The following ZNF407 variants were observed in gnomAD, a reference collection of about 807,000 sequenced individuals.
ZNF407 encodes the protein zinc finger protein 407.
Under a neutral mutation model 131.2 loss-of-function variants are expected in ZNF407, and 17 were observed. The ratio of observed to expected loss-of-function variants is 0.13; its 90% confidence interval spans 0.09 to 0.19. The LOEUF is 0.19. Among genes scored for constraint, ZNF407 ranks in the 10% least tolerant of loss-of-function variants. The pLI is 1.00. For missense variants in ZNF407, 2,681 were observed against 2,830.6 expected (o/e 0.95, Z 1.20); for synonymous variants, 1,156 against 1,062.0 (o/e 1.09, Z -1.72).
chr18:74,730,927 T>G (rs990502001), intron 3 of ZNF407, among the ~76,000 whole-genome samples: 2 of 152,182 alleles, frequency 1.3e-5, no homozygotes, highest in South Asian at 2.1e-4. Flanking sequence ...TTGAACAATA[T>G]TTTAGGTTTG....
intron 8 of ZNF407, among the ~76,000 whole-genome samples, chr18:75,026,410 C>G (rs978796592): frequency 1.3e-5 from 2 of 152,146 alleles, no homozygotes; most frequent in African/African-American, 4.8e-5. Flanking sequence ...CACATCTTAT[C>G]CCCTGAAGAA....
At chr18:74,695,594 G>T (rs1967335711) in intron 3 of ZNF407, among the ~76,000 whole-genome samples, 1 of 150,982 alleles carries the variant, frequency 6.6e-6, no homozygotes, top group Admixed American at 6.6e-5. Context: ...ATCCCAATTG[G>T]CTTTCCATTC....
intron 3 of ZNF407, among the ~76,000 whole-genome samples, chr18:74,772,012 T>C (rs147780610): frequency 6.6e-6 from 1 of 152,346 alleles, no homozygotes; most frequent in Non-Finnish European, 1.5e-5. Context: ...TCTATGAGGC[T>C]ATAATCTTTC....
At chr18:74,913,992 C>A (rs1971710995) in intron 7 of ZNF407, among the ~76,000 whole-genome samples, 1 of 152,204 alleles carries the variant, frequency 6.6e-6, no homozygotes, top group Admixed American at 6.5e-5. Flanking sequence ...GCTAATCAGT[C>A]ACCCCGTGCT....
intron 3 of ZNF407, among the ~76,000 whole-genome samples, chr18:74,736,844 G>A (rs1968426393): frequency 6.6e-6 from 1 of 152,094 alleles, no homozygotes; most frequent in Admixed American, 6.5e-5. Context: ...ATATAGTGAT[G>A]GGTCCTATTA....
At chr18:74,904,890 G>A (rs2554127) in intron 7 of ZNF407, among the ~76,000 whole-genome samples, 148,902 of 152,326 alleles carry the variant, frequency 0.98, 72,876 homozygotes, top group East Asian at 1. Flanking sequence ...TGAAATCAGT[G>A]GAAGTTAGAA....
chr18:74,890,867 C>T (rs557062902), intron 7 of ZNF407, among the ~76,000 whole-genome samples: 2 of 152,162 alleles, frequency 1.3e-5, no homozygotes, highest in East Asian at 3.9e-4. Flanking sequence ...TTTCCAGGAC[C>T]CAATCCGTGT....
At chr18:74,983,678 T>C (rs918708738) in intron 8 of ZNF407, among the ~76,000 whole-genome samples, 3 of 152,174 alleles carry the variant, frequency 2.0e-5, no homozygotes, top group Admixed American at 6.5e-5. Context: ...AGAAGGAAAA[T>C]GAACAGGAGT....
chr18:75,008,506 C>G (rs527829520), intron 8 of ZNF407, among the ~76,000 whole-genome samples: 1 of 152,308 alleles, frequency 6.6e-6, no homozygotes, highest in East Asian at 1.9e-4. Flanking sequence ...AAAGTCATCC[C>G]CGGATAGTGG....
In ZNF407 at chr18:74,917,790, A is replaced by G. The variant is rs557031610; in HGVS notation, c.5250-2724A>G. ...TTATTTTGGCAATTTTAATTTCTTCATATGATTGGTGATTGTCTTTGATGA... is the reference window on the plus strand; with the variant it reads ...TTATTTTGGCAATTTTAATTTCTTCGTATGATTGGTGATTGTCTTTGATGA... On this transcript the variant is annotated intron_variant, in intron 7 of 8. Coordinates refer to ENST00000299687, the MANE Select transcript of ZNF407 (RefSeq NM_017757.3). 5.9e-5 allele frequency among the ~76,000 whole-genome samples: 9 copies of G among 152,310 alleles called. 1 individual carries two copies. The South Asian group carries it at 1.4e-3, about 25-fold the overall frequency.
At chr18:74,738,204 G>A (rs2144912421) in intron 3 of ZNF407, among the ~76,000 whole-genome samples, 1 of 152,054 alleles carries the variant, frequency 6.6e-6, no homozygotes, top group Admixed American at 6.5e-5. Context: ...GGCAGATCAT[G>A]AAGTCAAGAG....
intron 8 of ZNF407, among the ~76,000 whole-genome samples, chr18:75,032,214 G>A (rs1166471360): frequency 2.0e-5 from 3 of 152,206 alleles, no homozygotes; most frequent in Non-Finnish European, 2.9e-5. Context: ...TGTGTCACCT[G>A]ATGCACAATG....
intron 8 of ZNF407, among the ~76,000 whole-genome samples, chr18:74,938,199 A>C (rs1972059245): frequency 6.6e-6 from 1 of 152,142 alleles, no homozygotes; most frequent in South Asian, 2.1e-4. Flanking sequence ...TAGTCATCAT[A>C]ATTGTCTTGA....
intron 8 of ZNF407, among the ~76,000 whole-genome samples, chr18:75,055,553 A>T (rs1039974747): frequency 3.3e-5 from 5 of 152,216 alleles, no homozygotes; most frequent in African/African-American, 1.2e-4. Flanking sequence ...GTATAATACA[A>T]CATTTCTTAG....
At chr18:74,915,375 GGTT>G (rs367620740) in intron 7 of ZNF407, among the ~76,000 whole-genome samples, 2,455 of 144,062 alleles carry the variant, frequency 0.017, 109 homozygotes, top group African/African-American at 0.062. Flanking sequence ...GGTATGGTGA[GGTT>G]GTATGCAGCA....
intron 8 of ZNF407, among the ~76,000 whole-genome samples, chr18:75,049,924 T>A (rs1973480198): frequency 6.6e-6 from 1 of 152,206 alleles, no homozygotes; most frequent in African/African-American, 2.4e-5. Context: ...GTACTTGTAT[T>A]GATGTAGCCA....
At chr18:74,989,992 A>G (rs1044522017) in intron 8 of ZNF407, among the ~76,000 whole-genome samples, 15 of 152,220 alleles carry the variant, frequency 9.9e-5, no homozygotes, top group African/African-American at 3.6e-4. Flanking sequence ...TCAAACATCT[A>G]ATATTCAGCA....
chr18:75,015,554 CAT>C (rs1348654866), intron 8 of ZNF407, among the ~76,000 whole-genome samples: 13 of 145,178 alleles, frequency 9.0e-5, no homozygotes, highest in Admixed American at 7.8e-4. Flanking sequence ...TCATATAAAA[CAT>C]ATAAACATTA....
intron 8 of ZNF407, among the ~76,000 whole-genome samples, chr18:75,023,651 A>G (rs1973138085): frequency 6.6e-6 from 1 of 152,166 alleles, no homozygotes. Flanking sequence ...GCAGGAAGTC[A>G]GCTTTCTCTA....
Sources: allele counts gnomAD v4.1 joint callset (sites outside exome capture counted in the v4.1 genomes callset), GRCh38; gene constraint gnomAD v4.1.1; transcripts MANE v1.5; gene names NCBI Gene and HGNC (gene_info 2026-07-23, HGNC 2026-07-21).